PLEKHB2: variants seen among roughly 807,000 people sequenced by gnomAD.
PLEKHB2 encodes pleckstrin homology domain containing B2.
A neutral mutation model predicts 36.5 loss-of-function variants in PLEKHB2; 31 were observed. The observed-to-expected ratio is 0.85, with a 90% confidence interval of 0.64 to 1.15. The LOEUF is 1.15. Ranked by LOEUF, PLEKHB2 falls within the 50% of genes most tolerant of loss-of-function variation. The pLI, the probability that PLEKHB2 is intolerant of heterozygous loss-of-function variation, is 0.00. For synonymous variants in PLEKHB2, 119 were observed against 112.0 expected (o/e 1.06, Z -0.39); for missense variants, 262 against 295.3 (o/e 0.89, Z 0.83).
chr2:131,130,859 C>T (rs1697603308), intron 5 of PLEKHB2, 99 bp downstream of exon 5: 11 of 806,624 alleles, frequency 1.4e-5, no homozygotes, highest in Non-Finnish European at 1.7e-5. Flanking sequence ...CACCTCACTG[C>T]AGCCTCTACC....
At chr2:131,125,009 C>T (rs1696958966) in intron 2 of PLEKHB2, among the ~76,000 whole-genome samples, 1 of 152,098 alleles carries the variant, frequency 6.6e-6, no homozygotes, top group South Asian at 2.1e-4. Context: ...GTCTCGAACT[C>T]CTGGCCTCAA....
intron 1 of PLEKHB2, among the ~76,000 whole-genome samples, chr2:131,119,221 A>T (rs1262402117): frequency 1.3e-5 from 2 of 152,020 alleles, no homozygotes; most frequent in East Asian, 3.9e-4. Context: ...GCGCCACTGC[A>T]CTCCAGCCTG....
intron 6 of PLEKHB2, among the ~76,000 whole-genome samples, chr2:131,134,988 C>T (rs982480861): frequency 6.6e-6 from 1 of 151,816 alleles, no homozygotes; most frequent in African/African-American, 2.4e-5. Context: ...TATGGTATTA[C>T]ATTTTTAGTT....
At chr2:131,144,907 A>G (rs2104988934) in intron 7 of PLEKHB2, among the ~76,000 whole-genome samples, 1 of 152,352 alleles carries the variant, frequency 6.6e-6, no homozygotes, top group Non-Finnish European at 1.5e-5. Flanking sequence ...AGCATTTTAA[A>G]ATGTCAGGGC....
Position 131,130,766 on chromosome 2 carries a change from T to C in PLEKHB2, c.333+6T>C. 6.2e-7 allele frequency: 1 copy of C among 1,607,628 alleles called. No individual in the cohort carries two copies. The highest frequency in any genetic ancestry group is 1.1e-5 in the South Asian group (1 of 90,640). On this transcript the variant is annotated splice_donor_region_variant and intron_variant, in intron 5 of 7. Transcript: ENST00000693505. ...AAGATTCTAGGACAAACACAGTAAGTTGCTAATGGCAATCACCAATAATTT... is the reference window on the plus strand; with the variant it reads ...AAGATTCTAGGACAAACACAGTAAGCTGCTAATGGCAATCACCAATAATTT...
chr2:131,111,202 A>G (rs1383849105), intron 1 of PLEKHB2, among the ~76,000 whole-genome samples: 1 of 151,774 alleles, frequency 6.6e-6, no homozygotes, highest in East Asian at 1.9e-4. Context: ...ATGGGGTTTC[A>G]CCATACTGGC....
In PLEKHB2 at chr2:131,146,903, C is replaced by T; in HGVS notation, c.*130C>T. 1.3e-6 allele frequency: 1 copy of T among 748,152 alleles called. No individual in the cohort carries two copies. The highest frequency in any genetic ancestry group is 2.1e-5 in the South Asian group (1 of 47,396). The allele number at this position is 748,152 out of a possible 1,614,324, so 46.3% of individuals were successfully genotyped here. On this transcript the variant is annotated 3_prime_UTR_variant, in exon 8 of 8. Coordinates refer to ENST00000693505, the MANE Select transcript of PLEKHB2 (RefSeq NM_001100623.2). ...ATCATTCCTTTGAAAGTAGTGATGT[C>T]ATAATTGTACTAATCCACATAAGTA...
rs1695587949 is a variant in PLEKHB2, at chr2:131,113,924, C to A, written c.-8-7010C>A. ...GATTTCTCCCCACCTCTAGAATTCTCTCTTACCCCCAATTTCTGAGTCTGT... is the reference window on the plus strand; with the variant it reads ...GATTTCTCCCCACCTCTAGAATTCTATCTTACCCCCAATTTCTGAGTCTGT... On this transcript the variant is annotated intron_variant, in intron 1 of 7. Transcript: ENST00000693505. Among the ~76,000 whole-genome samples the A allele has an allele frequency of 2.6e-5, 4 of 152,064 alleles. 1 individual carries two copies. In the South Asian group the frequency reaches 8.3e-4, roughly 31 times the overall value.
chr2:131,128,716 CAGTGA>C (rs1697341149), intron 4 of PLEKHB2, among the ~76,000 whole-genome samples: 1 of 152,092 alleles, frequency 6.6e-6, no homozygotes, highest in African/African-American at 2.4e-5. Context: ...GAGATACTCT[CAGTGA>C]CAGGAAAAAG....
intron 5 of PLEKHB2, among the ~76,000 whole-genome samples, chr2:131,131,487 C>T (rs1274696151): frequency 1.9e-4 from 29 of 152,192 alleles, no homozygotes; most frequent in African/African-American, 6.5e-4. Context: ...TGTAGAGCCT[C>T]GTAATGCTGT....
chr2:131,141,435 C>T (rs1336650270), intron 7 of PLEKHB2, among the ~76,000 whole-genome samples: 3 of 151,816 alleles, frequency 2.0e-5, no homozygotes, highest in Admixed American at 1.3e-4. Flanking sequence ...GTCAGGAGAT[C>T]GAGACCATCC....
intron 1 of PLEKHB2, among the ~76,000 whole-genome samples, chr2:131,116,937 C>A (rs1237029955): frequency 6.6e-6 from 1 of 152,056 alleles, no homozygotes; most frequent in Non-Finnish European, 1.5e-5. Flanking sequence ...ACCATCCTGG[C>A]CAACATGGTG....
chr2:131,109,171 A>G (rs906079039), intron 1 of PLEKHB2, among the ~76,000 whole-genome samples: 1 of 152,194 alleles, frequency 6.6e-6, no homozygotes, highest in Admixed American at 6.6e-5. Context: ...CGTCTCTACA[A>G]AAACAAAACA....
At position 131,147,553 on chromosome 2, in the gene PLEKHB2, C is replaced by G. The variant is rs1699383890; in HGVS notation, c.*780C>G. The G allele has an allele frequency of 6.6e-6, 1 of 152,286 alleles. No homozygotes were observed. Among genetic ancestry groups the G allele is most frequent in the African/African-American group, 2.4e-5 (1 of 41,446 alleles). The allele number at this position is 152,286 out of a possible 1,614,324, so 9.4% of individuals were successfully genotyped here. ...GTGGCTCACGCCTGTAATCCCAGCACTTTGAGAGACCGAGGCGGGCGGATC... is the reference window on the plus strand; with the variant it reads ...GTGGCTCACGCCTGTAATCCCAGCAGTTTGAGAGACCGAGGCGGGCGGATC... On this transcript the variant is annotated 3_prime_UTR_variant, in exon 8 of 8. Coordinates refer to ENST00000693505, the MANE Select transcript of PLEKHB2 (RefSeq NM_001100623.2).
At position 131,147,004 on chromosome 2, in the gene PLEKHB2, G is replaced by A. The variant is rs1699351517; in HGVS notation, c.*231G>A. 2 of 370,562 alleles carry A rather than the reference G, an allele frequency of 5.4e-6. No homozygotes were observed. Among genetic ancestry groups the A allele is most frequent in the Non-Finnish European group, 9.6e-6 (2 of 208,808 alleles). 23.0% of individuals were successfully genotyped at this position (370,562 alleles called of 1,614,324 possible). On this transcript the variant is annotated 3_prime_UTR_variant, in exon 8 of 8. Transcript: ENST00000693505. ...GGGGGCACTGGCTCATTCCAAGACT[G>A]TTCTTGTGCAACTCTCAGAATACCT...
chr2:131,146,544 AGATCCCTTTT>A, intron 7 of PLEKHB2, 83 bp from the exon 8 acceptor site: 1 of 1,332,444 alleles, frequency 7.5e-7, no homozygotes, highest in South Asian at 1.4e-5. Context: ...AGGAGACAGC[AGATCCCTTTT>A]GTGAAAGGAG....
chr2:131,140,261 A>G lies in PLEKHB2; in HGVS notation c.518A>G (p.Gln173Arg), dbSNP rs113821793. 6.3e-6 allele frequency: 10 copies of G among 1,597,060 alleles called. No individual in the cohort carries two copies. The highest frequency in any genetic ancestry group is 1.1e-5 in the South Asian group (1 of 90,486). ...ANGQAYAVPY[Q>R]YPYAGLYGQQ... ...GGGCAGGCGTATGCCGTGCCCTACC[A>G]GTACCCATATGCAGGTAACTCACGC... The change falls in exon 7 of 8, where the codon CAG becomes CGG. Residue 173 changes from glutamine to arginine, a missense_variant. Transcript: ENST00000693505.
intron 7 of PLEKHB2, among the ~76,000 whole-genome samples, chr2:131,144,229 T>C (rs1699066970): frequency 6.6e-6 from 1 of 152,212 alleles, no homozygotes; most frequent in Non-Finnish European, 1.5e-5. Context: ...TTCAGTGTGA[T>C]TGGGACCAGT....
chr2:131,139,682 C>T (rs560696432), intron 6 of PLEKHB2, among the ~76,000 whole-genome samples: 1 of 152,256 alleles, frequency 6.6e-6, no homozygotes, highest in Non-Finnish European at 1.5e-5. Flanking sequence ...AGTCACCTGC[C>T]CAGGTGCCAC....
Sources: allele counts gnomAD v4.1 joint callset (sites outside exome capture counted in the v4.1 genomes callset), GRCh38; gene constraint gnomAD v4.1.1; transcripts MANE v1.5; gene names NCBI Gene and HGNC (gene_info 2026-07-23, HGNC 2026-07-21).